Variants in TGFB2 observed in about 807,000 individuals in gnomAD.
TGFB2 encodes the protein transforming growth factor beta-2 proprotein.
TGFB2 carries 13 observed loss-of-function variants against 42.7 expected under a neutral mutation model. That is an observed-to-expected ratio of 0.30 (90% CI 0.20 to 0.48). The LOEUF is 0.48. Among genes scored for constraint, TGFB2 ranks in the 20% least tolerant of loss-of-function variants. The pLI is 0.99. For synonymous variants in TGFB2, 193 were observed against 193.6 expected (o/e 1.00, Z 0.03); for missense variants, 390 against 517.5 (o/e 0.75, Z 2.39).
intron 2 of TGFB2, among the ~76,000 whole-genome samples, chr1:218,429,352 C>T (rs1401228363): frequency 1.3e-5 from 2 of 152,196 alleles, no homozygotes; most frequent in African/African-American, 4.8e-5. Flanking sequence ...AATATTTGTC[C>T]TTCTGTGTCA....
At chr1:218,402,821 G>A (rs530139407) in intron 1 of TGFB2, among the ~76,000 whole-genome samples, 30 of 152,294 alleles carry the variant, frequency 2.0e-4, no homozygotes, top group Middle Eastern at 3.4e-3. Flanking sequence ...TGTCTAATGC[G>A]GAGGCTCTGC....
At chr1:218,348,042 C>G (rs1459262484) in intron 1 of TGFB2, among the ~76,000 whole-genome samples, 1 of 147,316 alleles carries the variant, frequency 6.8e-6, no homozygotes. Flanking sequence ...AGGGAACAGA[C>G]AGTGTAGAAT....
chr1:218,365,599 C>T (rs1365922625), intron 1 of TGFB2, among the ~76,000 whole-genome samples: 2 of 151,566 alleles, frequency 1.3e-5, no homozygotes, highest in Non-Finnish European at 2.9e-5. Flanking sequence ...CTCGCAGGCT[C>T]TGGAAAAACC....
chr1:218,434,439 A>C lies in TGFB2; in HGVS notation c.745A>C (p.Arg249=), dbSNP rs201845761. 1.7e-5 allele frequency: 28 copies of C among 1,611,142 alleles called. No individual in the cohort carries two copies. Among genetic ancestry groups the C allele is most frequent in the Non-Finnish European group, 2.1e-5 (25 of 1,177,536 alleles). The change falls in exon 4 of 7, where the codon AGA becomes CGA. Residue 249 remains arginine (R), a synonymous_variant. Coordinates refer to ENST00000366930, the MANE Select transcript of TGFB2 (RefSeq NM_003238.6). The stretch of plus-strand genomic sequence containing the variant: ...AAATAAAAGTGAAGAACTAGAAGCA[A>C]GATTTGCAGGTAACCAAAACTTGGT... ...IPNKSEELEA[R]FAGIDGTSTY...
intron 1 of TGFB2, among the ~76,000 whole-genome samples, chr1:218,388,227 G>T (rs1471510816): frequency 1.3e-5 from 2 of 152,212 alleles, no homozygotes; most frequent in Non-Finnish European, 2.9e-5. Flanking sequence ...GGATCAACTG[G>T]AGTTTTTAAA....
intron 2 of TGFB2, among the ~76,000 whole-genome samples, chr1:218,417,612 A>T (rs1659323401): frequency 6.6e-6 from 1 of 152,242 alleles, no homozygotes. Flanking sequence ...TTAATCCCCA[A>T]GACAATGGGA....
At chr1:218,431,316 A>T (rs1659800482) in intron 2 of TGFB2, among the ~76,000 whole-genome samples, 1 of 152,202 alleles carries the variant, frequency 6.6e-6, no homozygotes, top group Non-Finnish European at 1.5e-5. Flanking sequence ...AAAGCTTCAG[A>T]GTCTCTTTGC....
chr1:218,419,102 C>A (rs1412583585), intron 2 of TGFB2, among the ~76,000 whole-genome samples: 1 of 152,158 alleles, frequency 6.6e-6, no homozygotes, highest in Non-Finnish European at 1.5e-5. Context: ...TCGTATCTCA[C>A]CCTGAGTAGA....
At chr1:218,367,047 C>A (rs1239070840) in intron 1 of TGFB2, among the ~76,000 whole-genome samples, 1 of 152,160 alleles carries the variant, frequency 6.6e-6, no homozygotes, top group African/African-American at 2.4e-5. Context: ...CAGAGGAGAA[C>A]AATGAGTGTG....
At chr1:218,435,088 G>T (rs950493803) in intron 4 of TGFB2, among the ~76,000 whole-genome samples, 1 of 152,200 alleles carries the variant, frequency 6.6e-6, no homozygotes, top group South Asian at 2.1e-4. Flanking sequence ...TGTATTAGAT[G>T]ATGAGTTGTT....
chr1:218,435,485 T>C (rs1558262975), intron 4 of TGFB2, among the ~76,000 whole-genome samples: 2 of 152,218 alleles, frequency 1.3e-5, no homozygotes, highest in Non-Finnish European at 1.5e-5. Flanking sequence ...CTGTTTCACT[T>C]GAACCTAATT....
At chr1:218,438,184 T>C (rs992883148) in intron 6 of TGFB2, among the ~76,000 whole-genome samples, 1 of 152,176 alleles carries the variant, frequency 6.6e-6, no homozygotes, top group Non-Finnish European at 1.5e-5. Context: ...CTCCATAAGT[T>C]TTATATTCTT....
intron 2 of TGFB2, among the ~76,000 whole-genome samples, chr1:218,430,131 C>A (rs892426999): frequency 1.1e-4 from 16 of 152,074 alleles, no homozygotes; most frequent in Admixed American, 2.0e-4. Flanking sequence ...CATAAAGAGG[C>A]CGGGCGTGGT....
chr1:218,365,208 A>G (rs1657347272), intron 1 of TGFB2, among the ~76,000 whole-genome samples: 1 of 152,076 alleles, frequency 6.6e-6, no homozygotes, highest in African/African-American at 2.4e-5. Flanking sequence ...CCCAGATGCC[A>G]CCATACCACA....
intron 1 of TGFB2, among the ~76,000 whole-genome samples, chr1:218,404,270 G>A (rs530870408): frequency 4.9e-4 from 75 of 152,058 alleles, no homozygotes; most frequent in African/African-American, 1.6e-3. Flanking sequence ...GCGCCACCAC[G>A]CCTGGCTAAT....
chr1:218,396,451 G>A (rs973294680), intron 1 of TGFB2, among the ~76,000 whole-genome samples: 2 of 152,084 alleles, frequency 1.3e-5, no homozygotes, highest in African/African-American at 2.4e-5. Context: ...TTTTGGGACA[G>A]ACTGCGCCTT....
intron 1 of TGFB2, among the ~76,000 whole-genome samples, chr1:218,358,783 C>T (rs1657119762): frequency 6.6e-6 from 1 of 152,070 alleles, no homozygotes; most frequent in Admixed American, 6.6e-5. Flanking sequence ...ACCTCATGAT[C>T]TGCCTGCCTT....
chr1:218,351,976 T>C (rs1656880709), intron 1 of TGFB2, among the ~76,000 whole-genome samples: 1 of 152,128 alleles, frequency 6.6e-6, no homozygotes, highest in African/African-American at 2.4e-5. Context: ...CGCCCAGAGA[T>C]TACAACACAC....
chr1:218,437,218 G>C, intron 5 of TGFB2, 125 bp from the exon 6 acceptor site: 2 of 952,236 alleles, frequency 2.1e-6, no homozygotes, highest in Non-Finnish European at 3.1e-6. Flanking sequence ...CATGATATTT[G>C]CTCATTAGAT....
Sources: gnomAD v4.1 joint callset for allele counts (sites outside exome capture counted in the v4.1 genomes callset) on GRCh38, gnomAD v4.1.1 for gene constraint, MANE v1.5 for transcripts, NCBI Gene and HGNC (gene_info 2026-07-23, HGNC 2026-07-21) for gene names.